Variants in GRIP1 observed in about 807,000 individuals in gnomAD.
The protein encoded by GRIP1 is glutamate receptor-interacting protein 1.
In GRIP1, 45 loss-of-function variants were observed where a neutral mutation model predicts 129.9. That is an observed-to-expected ratio of 0.35 (90% confidence interval 0.27 to 0.44). The LOEUF (loss-of-function observed/expected upper bound fraction) is 0.44, where lower values mean the gene tolerates loss of function less well. Among genes scored for constraint, GRIP1 ranks in the 20% least tolerant of loss-of-function variants. The pLI, the probability that GRIP1 is intolerant of heterozygous loss-of-function variation, is 1.00. For synonymous variants in GRIP1, 530 were observed against 520.8 expected (o/e 1.02, Z -0.24); for missense variants, 1,196 against 1,396.8 (o/e 0.86, Z 2.29).
chr12:66,760,989 C>T (rs552975419), intron 1 of GRIP1, among the ~76,000 whole-genome samples: 5 of 152,102 alleles, frequency 3.3e-5, no homozygotes, highest in African/African-American at 1.2e-4. Context: ...TGTAAGACAG[C>T]ATAGCATGTC....
At chr12:66,868,370 T>C (rs942536899) in intron 1 of GRIP1, among the ~76,000 whole-genome samples, 2 of 152,054 alleles carry the variant, frequency 1.3e-5, no homozygotes, top group East Asian at 1.9e-4. Context: ...GAAGACTCAA[T>C]GAGACATCTT....
chr12:66,425,782 T>A (rs1308824854), intron 14 of GRIP1, among the ~76,000 whole-genome samples: 1 of 133,954 alleles, frequency 7.5e-6, no homozygotes, highest in South Asian at 2.3e-4. Context: ...TGAGAACACA[T>A]GGACACAGGA....
At chr12:66,943,114 T>C (rs1312679578) in intron 1 of GRIP1, among the ~76,000 whole-genome samples, 1 of 152,222 alleles carries the variant, frequency 6.6e-6, no homozygotes, top group African/African-American at 2.4e-5. Context: ...TTGTTGCTAA[T>C]TTTGTCTTCT....
At chr12:66,800,386 A>G (rs919163773) in intron 1 of GRIP1, among the ~76,000 whole-genome samples, 2 of 152,040 alleles carry the variant, frequency 1.3e-5, no homozygotes, top group Non-Finnish European at 2.9e-5. Flanking sequence ...ATAAGATGCT[A>G]GCGCTGTACA....
intron 1 of GRIP1, among the ~76,000 whole-genome samples, chr12:66,845,946 A>C (rs370259672): frequency 4.6e-5 from 7 of 152,092 alleles, no homozygotes; most frequent in African/African-American, 1.7e-4. Context: ...CTCCCAGAAA[A>C]ACTGTCTGTT....
At chr12:66,915,795 G>T (rs2041111450) in intron 1 of GRIP1, among the ~76,000 whole-genome samples, 1 of 152,222 alleles carries the variant, frequency 6.6e-6, no homozygotes, top group African/African-American at 2.4e-5. Context: ...ATGAGTGACA[G>T]CCAGACACTG....
At chr12:66,461,175 T>A (rs2059124574) in intron 9 of GRIP1, among the ~76,000 whole-genome samples, 1 of 144,818 alleles carries the variant, frequency 6.9e-6, no homozygotes, top group Admixed American at 6.8e-5. Context: ...AATTTAATAT[T>A]CCATGAGTTG....
intron 1 of GRIP1, among the ~76,000 whole-genome samples, chr12:66,883,333 T>C (rs544901599): frequency 3.9e-5 from 6 of 152,256 alleles, no homozygotes; most frequent in Admixed American, 2.6e-4. Context: ...TTTGAGGGCA[T>C]GGATCATGTT....
At chr12:66,830,969 C>G (rs2039506099) in intron 1 of GRIP1, among the ~76,000 whole-genome samples, 1 of 151,652 alleles carries the variant, frequency 6.6e-6, no homozygotes, top group Non-Finnish European at 1.5e-5. Flanking sequence ...ACCTCAGCCT[C>G]TTGAGTTGCT....
intron 7 of GRIP1, among the ~76,000 whole-genome samples, chr12:66,515,056 T>A (rs1194330112): frequency 6.6e-6 from 1 of 152,150 alleles, no homozygotes; most frequent in East Asian, 1.9e-4. Context: ...AGTGTAGAAA[T>A]AGTTTCTTTC....
At chr12:66,407,887 C>T (rs943126732) in intron 15 of GRIP1, among the ~76,000 whole-genome samples, 1 of 152,134 alleles carries the variant, frequency 6.6e-6, no homozygotes, top group Non-Finnish European at 1.5e-5. Flanking sequence ...GTGCTTGCAA[C>T]ACCCCTCCCC....
intron 1 of GRIP1, among the ~76,000 whole-genome samples, chr12:66,938,691 G>A (rs960093195): frequency 2.6e-5 from 4 of 152,114 alleles, no homozygotes; most frequent in South Asian, 2.1e-4. Flanking sequence ...AGGCATAGTG[G>A]CTCATGCCTG....
In GRIP1 at chr12:66,684,842, C is replaced by CGAAAT. The variant is rs372087444; in HGVS notation, c.-419-54511_-419-54507dup. On this transcript the variant is annotated intron_variant, in intron 1 of 4. Coordinates refer to the GRIP1 transcript ENST00000538373. Reference sequence around the variant, plus strand: ...CCTGGATGACAGAGCAAGACTCTGTCGAAATGAAATGAAATGAAATGGAAC... The same window carrying CGAAAT: ...CCTGGATGACAGAGCAAGACTCTGTCGAAATGAAATGAAATGAAATGAAATGGAAC... Among the ~76,000 whole-genome samples the CGAAAT allele has an allele frequency of 1.9e-3, 284 of 152,104 alleles. 1 individual carries two copies. The highest frequency in any genetic ancestry group is 5.0e-3 in the African/African-American group (207 of 41,484).
At chr12:66,650,439 TAAA>T (rs1173064415) in intron 1 of GRIP1, among the ~76,000 whole-genome samples, 2 of 152,182 alleles carry the variant, frequency 1.3e-5, no homozygotes, top group Non-Finnish European at 2.9e-5. Context: ...TATAAGCCCT[TAAA>T]AATCAAGCTG....
chr12:66,880,995 T>G (rs74739478), intron 1 of GRIP1, among the ~76,000 whole-genome samples: 1 of 141,962 alleles, frequency 7.0e-6, no homozygotes, highest in East Asian at 2.0e-4. Context: ...TACTCTTCTG[T>G]TTTTTTTTTT....
intron 1 of GRIP1, among the ~76,000 whole-genome samples, chr12:66,635,145 G>T (rs1209896223): frequency 1.3e-5 from 2 of 152,156 alleles, no homozygotes; most frequent in Admixed American, 1.3e-4. Flanking sequence ...TGGGTCAGGT[G>T]CAGTGGCTCA....
At chr12:66,475,980 C>T (rs954625485) in intron 7 of GRIP1, among the ~76,000 whole-genome samples, 2 of 152,042 alleles carry the variant, frequency 1.3e-5, no homozygotes, top group Non-Finnish European at 2.9e-5. Flanking sequence ...AGAGCAAACA[C>T]ATTCAAAAGC....
chr12:66,565,850 A>T (rs1002050299), intron 2 of GRIP1, among the ~76,000 whole-genome samples: 10 of 152,112 alleles, frequency 6.6e-5, no homozygotes, highest in African/African-American at 2.4e-4. Flanking sequence ...TGTCCCTTGT[A>T]AGTGGGATTC....
chr12:66,733,628 C>T (rs999071000), intron 1 of GRIP1, among the ~76,000 whole-genome samples: 4 of 152,090 alleles, frequency 2.6e-5, no homozygotes, highest in African/African-American at 7.2e-5. Context: ...TACACGTGGG[C>T]CACCAACCTG....
Sources: gnomAD v4.1 joint callset for allele counts (sites outside exome capture counted in the v4.1 genomes callset) on GRCh38, gnomAD v4.1.1 for gene constraint, MANE v1.5 for transcripts, NCBI Gene and HGNC (gene_info 2026-07-23, HGNC 2026-07-21) for gene names.